SMG1: variants seen among roughly 807,000 people sequenced by gnomAD.
The protein encoded by SMG1 is SMG1 nonsense mediated mRNA decay associated PI3K related kinase, also known as serine/threonine-protein kinase SMG1.
Under a neutral mutation model 419.9 loss-of-function variants are expected in SMG1, and 22 were observed. That is an observed-to-expected ratio of 0.05 (90% CI 0.04 to 0.07). The LOEUF is 0.07. Ranked by LOEUF, SMG1 falls within the 10% of genes least tolerant of loss-of-function variation. The pLI is 1.00. For missense variants in SMG1, 3,185 were observed against 4,342.0 expected, an observed-to-expected ratio of 0.73 and a Z score of 7.49; for synonymous variants, 1,538 against 1,553.5, an observed-to-expected ratio of 0.99 and a Z score of 0.23.
intron 1 of SMG1, among the ~76,000 whole-genome samples, chr16:18,920,750 G>A (rs2142024274): frequency 6.6e-6 from 1 of 151,404 alleles, no homozygotes; most frequent in South Asian, 2.1e-4. Flanking sequence ...TGAGGTAGGA[G>A]GACTTACTGA....
rs550941752 is a variant in SMG1 at position 18,879,024 on chromosome 16, T to C, written c.1518+471A>G. 26 of 200,162 alleles carry C rather than the reference T, an allele frequency of 1.3e-4. No individual in the cohort carries two copies. In the East Asian group the frequency reaches 3.1e-3, roughly 24 times the overall value. The allele number at this position is 200,162 out of a possible 1,614,324, so 12.4% of individuals were successfully genotyped here. Reference sequence around the variant, plus strand: ...GACCCTGTCTCAAAAAAAAATTGCATTAAAAATAAAAGTAAATAGACACTA... The same window carrying C: ...GACCCTGTCTCAAAAAAAAATTGCACTAAAAATAAAAGTAAATAGACACTA... On this transcript the variant is annotated intron_variant, in intron 11 of 62. Transcript: ENST00000446231.
At chr16:18,900,588 T>C (rs1205298596) in intron 1 of SMG1, among the ~76,000 whole-genome samples, 5 of 152,356 alleles carry the variant, frequency 3.3e-5, no homozygotes, top group South Asian at 2.1e-4. Context: ...GCAAACACCA[T>C]ACCTAGTGGT....
chr16:18,853,578 T>A lies in SMG1; in HGVS notation c.4768+5A>T, dbSNP rs1334915416. 2 of 1,569,386 alleles carry A rather than the reference T, an allele frequency of 1.3e-6. No homozygotes were observed. The highest frequency in any genetic ancestry group is 3.8e-5 in the Admixed American group (2 of 52,592). On this transcript the variant is annotated splice_donor_5th_base_variant and intron_variant, in intron 31 of 62. Coordinates refer to ENST00000446231, the MANE Select transcript of SMG1 (RefSeq NM_015092.5). ...AATATTCTAAAGCTAATAAAGCAAC[T>A]CTACCTGTAGATTCACTCTCGATCC...
At chr16:18,845,375 C>G in intron 39 of SMG1, 54 bp downstream of exon 39, 2 of 1,470,358 alleles carry the variant, frequency 1.4e-6, no homozygotes, top group South Asian at 2.4e-5. Context: ...AATTTCGTAT[C>G]TCATGGGAAC....
At position 18,896,965 on chromosome 16, in the gene SMG1, A is replaced by G. The variant is rs376665027; in HGVS notation, c.93-9T>C. On this transcript the variant is annotated splice_polypyrimidine_tract_variant and intron_variant, in intron 1 of 62. Coordinates refer to ENST00000446231, the MANE Select transcript of SMG1 (RefSeq NM_015092.5). ...CTGATGCACTATCAGTTCTATAAAA[A>G]GAGAAAAGTTTAAGATTAGAACTTT... 164 of 1,522,042 alleles carry G rather than the reference A, an allele frequency of 1.1e-4. 1 individual carries two copies. In the African/African-American group the frequency reaches 2.0e-3, roughly 19 times the overall value. 94.3% of individuals were successfully genotyped at this position (1,522,042 alleles called of 1,614,324 possible).
chr16:18,819,775 AAACAAAAGTTTT>A, intron 55 of SMG1, 121 bp from the exon 56 acceptor site: 3 of 1,034,022 alleles, frequency 2.9e-6, no homozygotes, highest in Non-Finnish European at 4.0e-6. Context: ...GTAATTTAGA[AAACAAAAGTTTT>A]AACAATCACC....
intron 1 of SMG1, among the ~76,000 whole-genome samples, chr16:18,923,010 C>G (rs947850899): frequency 6.6e-6 from 1 of 152,106 alleles, no homozygotes; most frequent in East Asian, 1.9e-4. Flanking sequence ...CCTGGGAGGT[C>G]GAGACTGCAG....
intron 13 of SMG1, among the ~76,000 whole-genome samples, chr16:18,872,918 G>C (rs1198444396): frequency 2.0e-5 from 3 of 152,208 alleles, no homozygotes; most frequent in South Asian, 2.1e-4. Context: ...CTTTGGGAGG[G>C]TAAGGTGGGC....
At chr16:18,840,106 T>C (rs1252157160) in intron 41 of SMG1, among the ~76,000 whole-genome samples, 160 bp from the exon 42 acceptor site, 2 of 152,246 alleles carry the variant, frequency 1.3e-5, no homozygotes, top group Admixed American at 1.3e-4. Context: ...TAGCTAATTA[T>C]TCTGGACTAT....
At chr16:18,828,582 C>T (rs935518187) in intron 54 of SMG1, among the ~76,000 whole-genome samples, 1 of 152,138 alleles carries the variant, frequency 6.6e-6, no homozygotes, top group African/African-American at 2.4e-5. Flanking sequence ...AAAACCATTT[C>T]CAAAATAAAG....
At chr16:18,841,461 T>C (rs2033922519) in intron 41 of SMG1, 104 bp downstream of exon 41, 5 of 1,060,854 alleles carry the variant, frequency 4.7e-6, no homozygotes, top group Non-Finnish European at 7.0e-6. Flanking sequence ...GTCTTTTCCT[T>C]CTTTAACTGC....
At chr16:18,857,486 T>C (rs576140110) in intron 29 of SMG1, 1 of 152,150 alleles carries the variant, frequency 6.6e-6, no homozygotes, top group African/African-American at 2.4e-5. Flanking sequence ...ATTTGCAAAC[T>C]AAAATACAAA....
intron 1 of SMG1, among the ~76,000 whole-genome samples, chr16:18,912,567 A>G (rs1367359674): frequency 6.6e-6 from 1 of 152,112 alleles, no homozygotes; most frequent in Non-Finnish European, 1.5e-5. Flanking sequence ...ATGAAAATGT[A>G]GAGAGCACTA....
At chr16:18,892,626 G>A (rs1392115018) in intron 3 of SMG1, among the ~76,000 whole-genome samples, 3 of 152,018 alleles carry the variant, frequency 2.0e-5, no homozygotes, top group Non-Finnish European at 2.9e-5. Flanking sequence ...CCAGCTACTC[G>A]GGAGGCTGAG....
Position 18,859,559 on chromosome 16 carries a change from G to A in SMG1, c.3950C>T (p.Thr1317Ile). 1.3e-6 allele frequency: 2 copies of A among 1,539,688 alleles called. No individual in the cohort carries two copies. Among genetic ancestry groups the A allele is most frequent in the Non-Finnish European group, 1.8e-6 (2 of 1,118,088 alleles). ...ACCTCCGTAAGAGTAAACTTACTCA[G>A]TTATAGACTGCCACTTCTGATCTTG... is the stretch of plus-strand genomic sequence containing the variant. ...IEQDQKWQSI[T>I]ENVVKYLKQT... The change falls in exon 27 of 63, where the codon ACT becomes ATT. Residue 1317 changes from threonine (T) to isoleucine (I), a missense_variant. Transcript: ENST00000446231.
rs367918079 is a variant in SMG1 at position 18,828,045 on chromosome 16, T to C, written c.9727A>G (p.Ile3243Val). Reference protein sequence around the residue: ...LHTLSQIETSIATVQEKLAAL... With the variant: ...LHTLSQIETSVATVQEKLAAL... ...GCAAAACACACCTGAACTGTTGCAA[T>C]AGAAGTTTCAATCTGGCTCAGGGTA... The change falls in exon 55 of 63, where the codon ATT becomes GTT. Residue 3243 changes from isoleucine to valine, a missense_variant. Ile to Val is a conservative substitution (Grantham distance 29). This residue lies in a region of SMG1 where 737 missense variants were observed against 846.6 expected (regional missense o/e 0.87). Transcript: ENST00000446231. 84 of 1,612,416 alleles carry C rather than the reference T, an allele frequency of 5.2e-5. No individual in the cohort carries two copies. In the East Asian group the frequency reaches 1.0e-3, roughly 20 times the overall value.
chr16:18,870,495 C>A (rs9940140), intron 18 of SMG1, 115 bp downstream of exon 18: 46,543 of 677,856 alleles, frequency 0.069, 2,040 homozygotes, highest in African/African-American at 0.16. Flanking sequence ...ACAAACAGGG[C>A]CATAAAAGAT....
At chr16:18,899,388 C>G (rs972386108) in intron 1 of SMG1, among the ~76,000 whole-genome samples, 6 of 152,024 alleles carry the variant, frequency 3.9e-5, no homozygotes, top group African/African-American at 1.4e-4. Flanking sequence ...AAAAAACTAA[C>G]TGGAATAGAG....
chr16:18,906,619 T>C (rs1028564339), intron 1 of SMG1, among the ~76,000 whole-genome samples: 1 of 152,064 alleles, frequency 6.6e-6, no homozygotes, highest in African/African-American at 2.4e-5. Flanking sequence ...CCCATAAACA[T>C]GCAACACTTT....
Sources: gnomAD v4.1 joint callset for allele counts (sites outside exome capture counted in the v4.1 genomes callset) on GRCh38, gnomAD v4.1.1 for gene constraint, gnomAD v4.1.1 regional missense constraint, MANE v1.5 for transcripts, NCBI Gene and HGNC (gene_info 2026-07-23, HGNC 2026-07-21) for gene names.